Variants in GPM6A observed in about 807,000 individuals in gnomAD.
GPM6A encodes neuronal membrane glycoprotein M6-a.
A neutral mutation model predicts 32.1 loss-of-function variants in GPM6A; 7 were observed. That is an observed-to-expected ratio of 0.22 (90% CI 0.12 to 0.41). GPM6A has a LOEUF of 0.41. GPM6A is among the 10% of genes least tolerant of loss of function. The pLI, the probability that GPM6A is intolerant of heterozygous loss-of-function variation, is 1.00. For missense variants in GPM6A, 235 were observed against 347.2 expected (o/e 0.68, Z 2.57); for synonymous variants, 130 against 123.4 (o/e 1.05, Z -0.35).
At chr4:175,723,715 G>C (rs1746260104) in intron 1 of GPM6A, among the ~76,000 whole-genome samples, 1 of 151,808 alleles carries the variant, frequency 6.6e-6, no homozygotes, top group African/African-American at 2.4e-5. Context: ...GGAAGGAGCT[G>C]GTCTTATCAT....
chr4:176,000,148 C>T (rs898271408), intron 1 of GPM6A, among the ~76,000 whole-genome samples: 9 of 152,144 alleles, frequency 5.9e-5, no homozygotes, highest in Non-Finnish European at 7.4e-5. Flanking sequence ...TCCTCACTTG[C>T]TTCCTCTACT....
chr4:175,781,257 C>A (rs1451290452), intron 1 of GPM6A: 1 of 152,140 alleles, frequency 6.6e-6, no homozygotes, highest in African/African-American at 2.4e-5. Flanking sequence ...TATCAGAGGC[C>A]CAAGCGGACT....
At chr4:175,938,496 A>G (rs748431973) in intron 1 of GPM6A, among the ~76,000 whole-genome samples, 2 of 152,142 alleles carry the variant, frequency 1.3e-5, no homozygotes, top group African/African-American at 2.4e-5. Flanking sequence ...CATTTCTCTA[A>G]TGACCAGTGA....
intron 3 of GPM6A, among the ~76,000 whole-genome samples, chr4:175,668,263 G>A (rs1298922934): frequency 2.0e-5 from 3 of 151,746 alleles, no homozygotes; most frequent in South Asian, 4.2e-4. Flanking sequence ...AGCGATATAC[G>A]AGATCTACTT....
intron 1 of GPM6A, among the ~76,000 whole-genome samples, chr4:175,874,667 AAG>A (rs1403766653): frequency 6.6e-6 from 1 of 152,180 alleles, no homozygotes; most frequent in Admixed American, 6.5e-5. Flanking sequence ...GTCATGAGAA[AAG>A]AGAGGCTGTA....
chr4:175,839,112 A>C (rs113234669), intron 1 of GPM6A, among the ~76,000 whole-genome samples: 3,507 of 152,344 alleles, frequency 0.023, 51 homozygotes, highest in Non-Finnish European at 0.035. Flanking sequence ...AGTAAGCATT[A>C]ATAGCCTATT....
intron 1 of GPM6A, among the ~76,000 whole-genome samples, chr4:175,758,791 C>T (rs955224012): frequency 6.6e-6 from 1 of 151,918 alleles, no homozygotes; most frequent in African/African-American, 2.4e-5. Context: ...TACAAAATCA[C>T]ACACTGAACA....
At chr4:175,883,618 T>C (rs1737351158) in intron 1 of GPM6A, among the ~76,000 whole-genome samples, 1 of 152,184 alleles carries the variant, frequency 6.6e-6, no homozygotes, top group African/African-American at 2.4e-5. Context: ...GAAAGTTTCC[T>C]AATAACTGAA....
intron 2 of GPM6A, among the ~76,000 whole-genome samples, chr4:175,693,728 T>C (rs920439432): frequency 1.3e-5 from 2 of 152,230 alleles, no homozygotes; most frequent in Admixed American, 6.5e-5. Flanking sequence ...ATTATTGGAA[T>C]GAAACTATCG....
intron 1 of GPM6A, among the ~76,000 whole-genome samples, chr4:175,727,895 T>C (rs1482724157): frequency 6.6e-6 from 1 of 151,798 alleles, no homozygotes; most frequent in Admixed American, 6.6e-5. Flanking sequence ...TCCCAGATGC[T>C]TGGGAGGCTG....
intron 1 of GPM6A, among the ~76,000 whole-genome samples, chr4:175,846,109 G>A (rs945907102): frequency 3.9e-5 from 6 of 152,086 alleles, no homozygotes; most frequent in African/African-American, 1.4e-4. Flanking sequence ...GTAACATCGT[G>A]TCTCTACTCT....
chr4:175,991,309 C>G (rs1420619647), intron 1 of GPM6A, among the ~76,000 whole-genome samples: 2 of 151,046 alleles, frequency 1.3e-5, no homozygotes. Context: ...CTCCTGACCT[C>G]AAGTGATCCA....
intron 1 of GPM6A, among the ~76,000 whole-genome samples, chr4:175,956,854 TGTCAAGGCATTCA>T (rs2126390514): frequency 6.6e-6 from 1 of 152,310 alleles, no homozygotes; most frequent in East Asian, 1.9e-4. Flanking sequence ...CAAGTAAGAA[TGTCAAGGCATTCA>T]TTATTCTCTA....
chr4:175,735,992 C>T lies in GPM6A; in HGVS notation c.38-34225G>A, dbSNP rs1001796238. 7.2e-5 allele frequency among the ~76,000 whole-genome samples: 11 copies of T among 152,282 alleles called. 1 individual carries two copies. Among genetic ancestry groups the T allele is most frequent in the South Asian group, 4.1e-4 (2 of 4,828 alleles). ...CTAAATTCGGTTTCATCCACAAGGT[C>T]TGTGAGACTAAAACAATGTTTTCTT... is the stretch of plus-strand genomic sequence containing the variant. On this transcript the variant is annotated intron_variant, in intron 1 of 6. Coordinates refer to ENST00000393658, the MANE Select transcript of GPM6A (RefSeq NM_201591.3).
chr4:175,932,230 C>T (rs912493026), intron 1 of GPM6A, among the ~76,000 whole-genome samples: 8 of 152,156 alleles, frequency 5.3e-5, no homozygotes, highest in African/African-American at 1.7e-4. Context: ...TATTAGGAGA[C>T]GGGGCCTTTA....
intron 1 of GPM6A, among the ~76,000 whole-genome samples, chr4:175,721,124 T>C (rs1221153629): frequency 7.0e-6 from 1 of 142,618 alleles, no homozygotes; most frequent in Non-Finnish European, 1.5e-5. Flanking sequence ...TTTTCTATTT[T>C]TAAAAAGAAT....
intron 1 of GPM6A, among the ~76,000 whole-genome samples, chr4:175,834,254 C>T (rs1735698338): frequency 6.6e-6 from 1 of 152,142 alleles, no homozygotes; most frequent in Non-Finnish European, 1.5e-5. Flanking sequence ...TGGCTTCGAG[C>T]CTGGCAGTGG....
chr4:175,948,065 C>T (rs1183060643), intron 1 of GPM6A, among the ~76,000 whole-genome samples: 1 of 152,090 alleles, frequency 6.6e-6, no homozygotes, highest in Non-Finnish European at 1.5e-5. Flanking sequence ...CAAACACATC[C>T]CATTTCAGAG....
At chr4:175,950,944 A>G (rs544033299) in intron 1 of GPM6A, among the ~76,000 whole-genome samples, 11 of 152,302 alleles carry the variant, frequency 7.2e-5, no homozygotes, top group African/African-American at 2.6e-4. Context: ...AGCAGAGATA[A>G]TACTAAATGT....
Sources: gnomAD v4.1 joint callset for allele counts (sites outside exome capture counted in the v4.1 genomes callset) on GRCh38, gnomAD v4.1.1 for gene constraint, MANE v1.5 for transcripts, NCBI Gene and HGNC (gene_info 2026-07-23, HGNC 2026-07-21) for gene names.